RFC5: variants seen among roughly 807,000 people sequenced by gnomAD.
The protein encoded by RFC5 is A1 36 kDa subunit.
A neutral mutation model predicts 44.3 loss-of-function variants in RFC5; 26 were observed. That is an observed-to-expected ratio of 0.59 (90% CI 0.43 to 0.81). RFC5 has a LOEUF of 0.81. Among genes scored for constraint, RFC5 ranks in the 40% least tolerant of loss-of-function variants. RFC5 has a pLI of 0.00. For synonymous variants in RFC5, 155 were observed against 155.2 expected (o/e 1.00, Z 0.01); for missense variants, 328 against 418.6 (o/e 0.78, Z 1.89).
chr12:118,026,986 T>G lies in RFC5; in HGVS notation c.761T>G (p.Met254Arg), dbSNP rs1318671628. ...KSDIANILDWMLNQDFTTAYR... is the reference protein window; with the variant it reads ...KSDIANILDWRLNQDFTTAYR... ...GACATTGCCAACATCCTGGACTGGA[T>G]GTTGAATCAAGATTTCACCACAGCC... The change falls in exon 8 of 11, where the codon ATG becomes AGG. Residue 254 changes from methionine to arginine, a missense_variant. Coordinates refer to ENST00000454402, the MANE Select transcript of RFC5 (RefSeq NM_007370.7). The G allele has an allele frequency of 6.2e-7, 1 of 1,613,766 alleles. No individual in the cohort carries two copies. Among genetic ancestry groups the G allele is most frequent in the Non-Finnish European group, 8.5e-7 (1 of 1,179,998 alleles).
At chr12:118,027,056 A>G in intron 8 of RFC5, 38 bp downstream of exon 8, 6 of 1,596,638 alleles carry the variant, frequency 3.8e-6, no homozygotes, top group Non-Finnish European at 5.1e-6. Context: ...CCGAGACCTG[A>G]AGGTGGCCCC....
intron 4 of RFC5, among the ~76,000 whole-genome samples, chr12:118,021,679 G>A (rs1289308609): frequency 2.0e-5 from 3 of 150,674 alleles, no homozygotes; most frequent in African/African-American, 4.9e-5. Context: ...GGTGAGGGCC[G>A]GGCGCAGTGG....
At chr12:118,036,306 CA>C (rs759057347), downstream of RFC5, 2 of 1,598,944 alleles carry the variant, frequency 1.3e-6, no homozygotes, top group Non-Finnish European at 1.7e-6. Flanking sequence ...AGTCCCCCCA[CA>C]AAAAAGTCAT....
chr12:118,036,615 G>A, downstream of RFC5: 1 of 1,227,320 alleles, frequency 8.1e-7, no homozygotes, highest in Non-Finnish European at 1.1e-6. Flanking sequence ...CCTGCAGCCA[G>A]GGCTGATTCT....
the RFC5 span, among the ~76,000 whole-genome samples, chr12:118,039,541 A>ATAC: frequency 6.6e-6 from 1 of 152,152 alleles, no homozygotes; most frequent in Non-Finnish European, 1.5e-5. Context: ...GGAAGGGTAT[A>ATAC]TACTCCTAAC....
downstream of RFC5, chr12:118,034,713 T>C (rs1467841941): frequency 1.3e-5 from 7 of 523,688 alleles, no homozygotes; most frequent in Non-Finnish European, 2.0e-5. Context: ...TGGTTTCCCA[T>C]ATATTATGCA....
At position 118,022,271 on chromosome 12, in the gene RFC5, C is replaced by T; in HGVS notation, c.348-15C>T. On this transcript the variant is annotated splice_polypyrimidine_tract_variant and intron_variant, in intron 4 of 10. Coordinates refer to ENST00000454402, the MANE Select transcript of RFC5 (RefSeq NM_007370.7). ...GATTGAAGAAATCTTTAGACAGCAC[C>T]ATTTGTTTTTCTAGGAAAGGCTTTA... is the stretch of plus-strand genomic sequence containing the variant. The T allele has an allele frequency of 6.2e-7, 1 of 1,605,514 alleles. No homozygotes were observed. The highest frequency in any genetic ancestry group is 1.1e-5 in the South Asian group (1 of 90,894).
At chr12:118,022,094 C>A (rs1418833794) in intron 4 of RFC5, among the ~76,000 whole-genome samples, 192 bp from the exon 5 acceptor site, 1 of 152,204 alleles carries the variant, frequency 6.6e-6, no homozygotes, top group East Asian at 1.9e-4. Flanking sequence ...CTCCTCCATT[C>A]CCACCAAGGG....
At chr12:118,022,569 A>C (rs917433567) in intron 5 of RFC5, among the ~76,000 whole-genome samples, 1 of 151,690 alleles carries the variant, frequency 6.6e-6, no homozygotes, top group African/African-American at 2.4e-5. Flanking sequence ...GGTTCAAGCG[A>C]TTCTCTGACC....
In RFC5 at chr12:118,018,007, A is replaced by G. The variant is rs1286754707; in HGVS notation, c.66-1065A>G. 2.6e-5 allele frequency: 18 copies of G among 701,512 alleles called. No individual in the cohort carries two copies. In the East Asian group the frequency reaches 4.0e-4, roughly 16 times the overall value. The allele number at this position is 701,512 out of a possible 1,614,324, so 43.5% of individuals were successfully genotyped here. A position where few individuals can be genotyped will look rare whatever the true frequency, so the allele number is the denominator to read the frequency against. On this transcript the variant is annotated intron_variant, in intron 1 of 10. Coordinates refer to ENST00000454402, the MANE Select transcript of RFC5 (RefSeq NM_007370.7). Reference sequence around the variant, plus strand: ...CCCCTTCCTCTAGCCCCTGGCAACCACTAATCTGCTTTCTATCTATGGATT... The same window carrying G: ...CCCCTTCCTCTAGCCCCTGGCAACCGCTAATCTGCTTTCTATCTATGGATT...
At chr12:118,034,897 G>A, downstream of RFC5, 1 of 1,321,544 alleles carries the variant, frequency 7.6e-7, no homozygotes, top group East Asian at 2.3e-5. Context: ...TCATAGGCAA[G>A]AAAATTCTAG....
chr12:118,030,492 C>T (rs5745887), intron 10 of RFC5, among the ~76,000 whole-genome samples: 2,980 of 137,630 alleles, frequency 0.022, 49 homozygotes, highest in Non-Finnish European at 0.035. Flanking sequence ...CCAAACTTCC[C>T]GATGAAATGG....
the RFC5 span, chr12:118,038,493 C>T: frequency 2.1e-6 from 2 of 947,950 alleles, no homozygotes; most frequent in East Asian, 2.6e-5. Flanking sequence ...GTATACCCAT[C>T]AGCTCCTATC....
chr12:118,041,068 A>G, the RFC5 span, among the ~76,000 whole-genome samples: 2 of 152,186 alleles, frequency 1.3e-5, no homozygotes, highest in Non-Finnish European at 2.9e-5. Flanking sequence ...CAAACAAACC[A>G]AAAAAACACC....
In RFC5 at chr12:118,028,075, C is replaced by A; in HGVS notation, c.871+45C>A. On this transcript the variant is annotated intron_variant, in intron 9 of 10. Transcript: ENST00000454402. ...AGCTGAGAAGCTGTGGAGAAGGTAGCCTGCTTTGGGGTTAAGGATGGTTAG... is the reference window on the plus strand; with the variant it reads ...AGCTGAGAAGCTGTGGAGAAGGTAGACTGCTTTGGGGTTAAGGATGGTTAG... 2.4e-6 allele frequency: 3 copies of A among 1,267,146 alleles called. No homozygotes were observed. The East Asian group carries it at 6.9e-5, about 29-fold the overall frequency. The allele number at this position is 1,267,146 out of a possible 1,614,324, so 78.5% of individuals were successfully genotyped here.
rs764326683 is a variant in RFC5, at chr12:118,025,810, G to C, written c.645G>C (p.Arg215Ser). The C allele has an allele frequency of 9.4e-6, 15 of 1,603,098 alleles. No homozygotes were observed. The highest frequency in any genetic ancestry group is 1.3e-5 in the Non-Finnish European group (15 of 1,171,908). The change falls in exon 7 of 11, where the codon AGG (arginine) becomes AGC (serine). Residue 215 changes from arginine (R) to serine (S), a missense_variant. Transcript: ENST00000454402. ...LVTLSSGDMR[R>S]ALNILQSTNM... ...CTCTTTCCAGTGGAGACATGCGTAGGGCTCTGAACATTTTGCAGGTATGGT... is the reference window on the plus strand; with the variant it reads ...CTCTTTCCAGTGGAGACATGCGTAGCGCTCTGAACATTTTGCAGGTATGGT...
rs377297459 is a variant in RFC5, at chr12:118,024,202, G to A, written c.422-649G>A. On this transcript the variant is annotated intron_variant, in intron 5 of 10. Transcript: ENST00000454402. ...TAAAAATATAAAAAATTAGCCGGGC[G>A]TGGTGGCACGTGTCTGTAGTCCCAG... is the stretch of plus-strand genomic sequence containing the variant. 7.3e-4 allele frequency among the ~76,000 whole-genome samples: 111 copies of A among 152,052 alleles called. 1 individual carries two copies. Among genetic ancestry groups the A allele is most frequent in the African/African-American group, 2.2e-3 (92 of 41,524 alleles).
In RFC5 at chr12:118,019,079, A is replaced by C. The variant is rs200561390; in HGVS notation, c.73A>C (p.Lys25Gln). The C allele has an allele frequency of 1.7e-5, 27 of 1,609,370 alleles. No individual in the cohort carries two copies. Among genetic ancestry groups the C allele is most frequent in the Middle Eastern group, 3.3e-4 (2 of 6,056 alleles). Residue 25 changes from lysine (K) to glutamine (Q), a missense_variant, in exon 2 of 11, where the codon AAA becomes CAA. Lys to Gln is a moderately conservative substitution (Grantham distance 53). Transcript: ENST00000454402. This position sits in a 1 kb window ranked among gnomAD's most constrained non-coding sequence, Gnocchi z 4.2. ...TACTAAATTGTATTTCAGGGTTGAAAAATACCGGCCACAGACCCTGAATGA... is the reference window on the plus strand; with the variant it reads ...TACTAAATTGTATTTCAGGGTTGAACAATACCGGCCACAGACCCTGAATGA... ...TKIRNLPWVE[K>Q]YRPQTLNDLI...
intron 8 of RFC5, among the ~76,000 whole-genome samples, chr12:118,027,683 A>AAAG (rs1555266297): frequency 0.096 from 14,258 of 148,820 alleles, 861 homozygotes; most frequent in African/African-American, 0.16. Context: ...AAAAAAAAAA[A>AAAG]AAAGAAAGAA....
Sources: gnomAD v4.1 joint callset for allele counts (sites outside exome capture counted in the v4.1 genomes callset) on GRCh38, gnomAD v4.1.1 for gene constraint, Gnocchi (gnomAD v3.1) non-coding constraint, MANE v1.5 for transcripts, NCBI Gene and HGNC (gene_info 2026-07-23, HGNC 2026-07-21) for gene names.